AFAP1L1: variants seen among roughly 807,000 people sequenced by gnomAD.
AFAP1L1 encodes actin filament-associated protein 1-like 1.
AFAP1L1 carries 77 observed loss-of-function variants against 99.8 expected under a neutral mutation model. The ratio of observed to expected loss-of-function variants is 0.77; its 90% CI spans 0.64 to 0.93. The LOEUF (loss-of-function observed/expected upper bound fraction) is 0.93, where lower values mean the gene tolerates loss of function less well. Among genes scored for constraint, AFAP1L1 ranks in the 40% least tolerant of loss-of-function variants. The pLI, the probability that AFAP1L1 is intolerant of heterozygous loss-of-function variation, is 0.00. For missense variants in AFAP1L1, 893 were observed against 996.8 expected (o/e 0.90, Z 1.40); for synonymous variants, 373 against 395.3 (o/e 0.94, Z 0.67).
At chr5:149,272,077 C>A in intron 1 of AFAP1L1, 93 bp downstream of exon 1, 1 of 545,948 alleles carries the variant, frequency 1.8e-6, no homozygotes, top group Non-Finnish European at 2.5e-6. Context: ...GGGAGAGAGG[C>A]GGGCGGTGGG....
chr5:149,318,012 G>C, intron 12 of AFAP1L1, 72 bp downstream of exon 12: 1 of 1,502,362 alleles, frequency 6.7e-7, no homozygotes, highest in Non-Finnish European at 9.0e-7. Flanking sequence ...GTTTTTGTTT[G>C]GGGGAGCCCT....
In AFAP1L1 at chr5:149,310,030, C is replaced by T. The variant is rs775889847; in HGVS notation, c.822C>T (p.Pro274=). 6.2e-7 allele frequency: 1 copy of T among 1,614,096 alleles called. No homozygotes were observed. Among genetic ancestry groups the T allele is most frequent in the Non-Finnish European group, 8.5e-7 (1 of 1,180,042 alleles). Residue 274 remains proline, a synonymous_variant, in exon 8 of 19, where the codon CCC becomes CCT. Transcript: ENST00000296721. ...ALDTCSIIYV[P]KDSRHKRHEL... is the part of the protein sequence containing the mutation. ...ATACCTGCAGCATCATCTACGTGCC[C>T]AAGGACAGCCGGCACAAGAGGCACG...
rs558163516 is a variant in AFAP1L1, at chr5:149,300,426, A to G, written c.229+72A>G. 2.4e-4 allele frequency: 342 copies of G among 1,396,270 alleles called. 1 individual carries two copies. Among genetic ancestry groups the G allele is most frequent in the South Asian group, 3.9e-4 (31 of 79,914 alleles). 86.5% of individuals were successfully genotyped at this position (1,396,270 alleles called of 1,614,324 possible). A position where few individuals can be genotyped will look rare whatever the true frequency, so the allele number is the denominator to read the frequency against. On this transcript the variant is annotated intron_variant, in intron 3 of 18. Transcript: ENST00000296721. ...CCTGTGTATGCAGAAGGGTCCCCCG[A>G]CTGGGCTGGGCTTGGCTCTAACATC... is the stretch of plus-strand genomic sequence containing the variant.
intron 1 of AFAP1L1, among the ~76,000 whole-genome samples, chr5:149,280,706 T>A (rs1402433707): frequency 6.6e-6 from 1 of 152,222 alleles, no homozygotes; most frequent in East Asian, 1.9e-4. Flanking sequence ...GCCATGCAAA[T>A]TTTTTGTTAG....
At chr5:149,291,533 AAAAAAAAAAAAAAAAAAG>A (rs1278573962) in intron 1 of AFAP1L1, among the ~76,000 whole-genome samples, 5 of 139,072 alleles carry the variant, frequency 3.6e-5, no homozygotes, top group East Asian at 4.1e-4. Flanking sequence ...TCAAAAAAAA[AAAAAAAAAAAAAAAAAAG>A]AAAGAAAGAA....
At chr5:149,294,831 C>T (rs1755968897) in intron 1 of AFAP1L1, among the ~76,000 whole-genome samples, 1 of 152,134 alleles carries the variant, frequency 6.6e-6, no homozygotes, top group African/African-American at 2.4e-5. Flanking sequence ...CAGCCCCAGC[C>T]TGGCCTCCTA....
chr5:149,314,180 T>C (rs140983128), intron 9 of AFAP1L1, among the ~76,000 whole-genome samples: 1 of 152,194 alleles, frequency 6.6e-6, no homozygotes, highest in East Asian at 1.9e-4. Flanking sequence ...TGGGTACTCA[T>C]GTGCCCAGGT....
At chr5:149,300,023 A>G (rs751365458) in intron 2 of AFAP1L1, among the ~76,000 whole-genome samples, 2 of 152,158 alleles carry the variant, frequency 1.3e-5, no homozygotes, top group Admixed American at 1.3e-4. Flanking sequence ...ACACCCTAGC[A>G]TACGCCTGAC....
At position 149,326,566 on chromosome 5, in the gene AFAP1L1, AG is replaced by A. The variant is rs1261485923; in HGVS notation, c.1811-3099del. Among the ~76,000 whole-genome samples the A allele has an allele frequency of 6.2e-3, 913 of 147,640 alleles. 11 individuals carry two copies. Among genetic ancestry groups the A allele is most frequent in the African/African-American group, 0.021 (843 of 40,594 alleles). On this transcript the variant is annotated intron_variant, in intron 15 of 18. Coordinates refer to ENST00000296721, the MANE Select transcript of AFAP1L1 (RefSeq NM_152406.4). ...AAAATAAAAAAAAAAAAAAAAAGAA[AG>A]AAAAATATATATATATTTAAAAAGA...
chr5:149,325,410 G>C (rs923458275), intron 15 of AFAP1L1, among the ~76,000 whole-genome samples: 1 of 152,220 alleles, frequency 6.6e-6, no homozygotes, highest in African/African-American at 2.4e-5. Flanking sequence ...GCTCCATGCT[G>C]TAGAGGCTAA....
In AFAP1L1 at chr5:149,307,332, G is replaced by A. The variant is rs1274683340; in HGVS notation, c.536-70G>A. On this transcript the variant is annotated intron_variant, in intron 6 of 18. Transcript: ENST00000296721. ...AGCCTCAGTCCCCAGTGCAGGGATC[G>A]CTGCAGAGGGGTGAGAAGGTGCTTC... 37 of 1,490,016 alleles carry A rather than the reference G, an allele frequency of 2.5e-5. No individual in the cohort carries two copies. In the East Asian group the frequency reaches 2.7e-4, roughly 11 times the overall value. 92.3% of individuals were successfully genotyped at this position (1,490,016 alleles called of 1,614,324 possible). A position where few individuals can be genotyped will look rare whatever the true frequency, so the allele number is the denominator to read the frequency against.
Position 149,316,227 on chromosome 5 carries a change from C to G in AFAP1L1, c.1191C>G (p.Ile397Met). ...SRAAGRKITR[I>M]IGFSKKKTLA... ...CTGCGGGCCGCAAGATCACCCGTAT[C>G]ATTGGCTTCTCCAAGAAGAAGACAC... Residue 397 changes from isoleucine (I) to methionine (M), a missense_variant, in exon 11 of 19, where the codon ATC (isoleucine) becomes ATG (methionine). Transcript: ENST00000296721. The G allele has an allele frequency of 1.9e-6, 3 of 1,614,124 alleles. No homozygotes were observed. Among genetic ancestry groups the G allele is most frequent in the Non-Finnish European group, 2.5e-6 (3 of 1,180,026 alleles).
Position 149,307,395 on chromosome 5 carries a change from C to A in AFAP1L1, c.536-7C>A, listed in dbSNP as rs1756451000. On this transcript the variant is annotated splice_polypyrimidine_tract_variant and splice_region_variant and intron_variant, in intron 6 of 18. Coordinates refer to ENST00000296721, the MANE Select transcript of AFAP1L1 (RefSeq NM_152406.4). ...CAGTGATGGATCCTTTCCCGTGACG[C>A]CTGCAGATAATGACTCTGACGCAAT... 1.9e-6 allele frequency: 3 copies of A among 1,613,988 alleles called. No individual in the cohort carries two copies. The highest frequency in any genetic ancestry group is 2.5e-6 in the Non-Finnish European group (3 of 1,179,944).
intron 1 of AFAP1L1, among the ~76,000 whole-genome samples, chr5:149,287,024 G>A (rs375827383): frequency 6.6e-6 from 1 of 152,202 alleles, no homozygotes; most frequent in South Asian, 2.1e-4. Context: ...GTAAAACTGG[G>A]ATAAGAGTTC....
rs114805975 is a variant in AFAP1L1 at position 149,322,678 on chromosome 5, C to T, written c.1771C>T (p.Arg591Cys). 6.5e-4 allele frequency: 1,037 copies of T among 1,593,742 alleles called. No homozygotes were observed. The highest frequency in any genetic ancestry group is 7.7e-4 in the Non-Finnish European group (902 of 1,169,252). The change falls in exon 15 of 19, where the codon CGT (arginine) becomes TGT (cysteine). Residue 591 changes from arginine to cysteine, a missense_variant. Transcript: ENST00000296721. Reference protein sequence around the residue: ...HASSCSEKSHRVDPQVKVKRH... With the variant: ...HASSCSEKSHCVDPQVKVKRH... The stretch of plus-strand genomic sequence containing the variant: ...CTCCTCCTGCAGTGAGAAGTCCCAT[C>T]GTGTGGACCCGCAGGTCAAAGTCAA...
At chr5:149,312,401 A>T (rs779994531) in intron 9 of AFAP1L1, 197 bp downstream of exon 9, 4 of 651,078 alleles carry the variant, frequency 6.1e-6, no homozygotes, top group South Asian at 1.7e-5. Flanking sequence ...ACGAGTGCTT[A>T]TGCCCAAAGT....
At chr5:149,287,772 T>A (rs1755730268) in intron 1 of AFAP1L1, among the ~76,000 whole-genome samples, 1 of 149,778 alleles carries the variant, frequency 6.7e-6, no homozygotes, top group South Asian at 2.1e-4. Context: ...TTTTTTTGTA[T>A]TTTTAGTACA....
At chr5:149,316,840 A>G (rs1399803613) in intron 11 of AFAP1L1, among the ~76,000 whole-genome samples, 1 of 152,188 alleles carries the variant, frequency 6.6e-6, no homozygotes, top group Non-Finnish European at 1.5e-5. Context: ...GATATGCAGT[A>G]ATATTCTAAC....
intron 1 of AFAP1L1, among the ~76,000 whole-genome samples, chr5:149,293,195 C>T (rs1269306888): frequency 2.0e-5 from 3 of 152,236 alleles, no homozygotes; most frequent in East Asian, 3.8e-4. Flanking sequence ...CCATACACAT[C>T]AGTTCATTTC....
Sources: gnomAD v4.1 joint callset for allele counts (sites outside exome capture counted in the v4.1 genomes callset) on GRCh38, gnomAD v4.1.1 for gene constraint, MANE v1.5 for transcripts, NCBI Gene and HGNC (gene_info 2026-07-23, HGNC 2026-07-21) for gene names.